UQCC1: variants seen among roughly 807,000 people sequenced by gnomAD.
The protein encoded by UQCC1 is ubiquinol-cytochrome c reductase complex assembly factor 1, also known as bFGF-repressed Zic-binding protein.
In UQCC1, 38 loss-of-function variants were observed where a neutral mutation model predicts 48.0. That is an observed-to-expected ratio of 0.79 (90% CI 0.61 to 1.04). UQCC1 has a LOEUF of 1.04. Among genes scored for constraint, UQCC1 ranks in the 50% least tolerant of loss-of-function variants. The pLI is 0.00. For synonymous variants in UQCC1, 111 were observed against 129.2 expected, an observed-to-expected ratio of 0.86 and a Z score of 0.95; for missense variants, 368 against 381.8, an observed-to-expected ratio of 0.96 and a Z score of 0.30.
In UQCC1 at chr20:35,346,539, C is replaced by T. The variant is rs541389723; in HGVS notation, c.573+625G>A. On this transcript the variant is annotated intron_variant, in intron 7 of 9. Transcript: ENST00000374385. ...AAGAACCCACCACAAGGAACCAACT[C>T]CGGACACACTATGATCTGTATAACC... is the stretch of plus-strand genomic sequence containing the variant. 1.9e-5 allele frequency: 3 copies of T among 159,170 alleles called. No individual in the cohort carries two copies. In the South Asian group the frequency reaches 5.5e-4, roughly 29 times the overall value. The allele number at this position is 159,170 out of a possible 1,614,324, so 9.9% of individuals were successfully genotyped here. A position where few individuals can be genotyped will look rare whatever the true frequency, so the allele number is the denominator to read the frequency against.
At chr20:35,410,479 C>A (rs1362869117) in intron 1 of UQCC1, among the ~76,000 whole-genome samples, 1 of 150,530 alleles carries the variant, frequency 6.6e-6, no homozygotes, top group East Asian at 2.0e-4. Context: ...TTGCAGTGAG[C>A]CGAGATCACA....
At chr20:35,314,582 T>G in intron 8 of UQCC1, 106 bp downstream of exon 8, 1 of 825,838 alleles carries the variant, frequency 1.2e-6, no homozygotes. Context: ...TACGCCATGG[T>G]GGTAGCCAGT....
chr20:35,333,672 CCT>C (rs956942557), intron 7 of UQCC1, among the ~76,000 whole-genome samples: 4 of 152,106 alleles, frequency 2.6e-5, no homozygotes, highest in East Asian at 1.9e-4. Flanking sequence ...CCTGCTGCCC[CCT>C]GACACCAAAC....
chr20:35,326,638 C>A (rs935482947), intron 7 of UQCC1, among the ~76,000 whole-genome samples: 1 of 152,164 alleles, frequency 6.6e-6, no homozygotes, highest in African/African-American at 2.4e-5. Flanking sequence ...ATTCTGACTG[C>A]AGCCATGAGG....
chr20:35,364,209 T>C (rs1042790796), intron 6 of UQCC1, among the ~76,000 whole-genome samples: 1 of 152,198 alleles, frequency 6.6e-6, no homozygotes, highest in African/African-American at 2.4e-5. Flanking sequence ...TAGTCACTCT[T>C]CGTGGTGCAT....
At chr20:35,350,766 C>A (rs2061481926) in intron 6 of UQCC1, among the ~76,000 whole-genome samples, 1 of 148,914 alleles carries the variant, frequency 6.7e-6, no homozygotes, top group Non-Finnish European at 1.5e-5. Flanking sequence ...GTAGGCCAGG[C>A]GCAGTGGCTC....
chr20:35,338,892 A>AAAATAT (rs1555805500), intron 7 of UQCC1, among the ~76,000 whole-genome samples: 4 of 30,560 alleles, frequency 1.3e-4, no homozygotes, highest in Non-Finnish European at 1.4e-4. Context: ...AAAAAAAAAA[A>AAAATAT]ATATATATAT....
At chr20:35,372,966 T>C (rs769230460) in intron 5 of UQCC1, among the ~76,000 whole-genome samples, 2 of 152,208 alleles carry the variant, frequency 1.3e-5, no homozygotes, top group Non-Finnish European at 2.9e-5. Context: ...TATACAAATA[T>C]TTGCTGCTAG....
intron 5 of UQCC1, among the ~76,000 whole-genome samples, chr20:35,367,691 T>G (rs1290018235): frequency 6.6e-6 from 1 of 151,382 alleles, no homozygotes; most frequent in Middle Eastern, 3.4e-3. Context: ...GCCAGGGAGG[T>G]AGAGGTTACA....
At chr20:35,308,575 A>G (rs915275645) in intron 8 of UQCC1, among the ~76,000 whole-genome samples, 1 of 152,260 alleles carries the variant, frequency 6.6e-6, no homozygotes, top group Non-Finnish European at 1.5e-5. Context: ...CTGAGCCATC[A>G]GAAGGAAAAG....
chr20:35,355,447 C>T (rs895073415), intron 6 of UQCC1, among the ~76,000 whole-genome samples: 2 of 152,132 alleles, frequency 1.3e-5, no homozygotes, highest in Non-Finnish European at 2.9e-5. Context: ...GTTTGTGAAT[C>T]GAATTTACTA....
chr20:35,409,866 C>A (rs755440081), intron 1 of UQCC1, among the ~76,000 whole-genome samples: 18 of 152,020 alleles, frequency 1.2e-4, no homozygotes, highest in Non-Finnish European at 2.2e-4. Context: ...ACTGCAGTGG[C>A]ACAATCTCAG....
chr20:35,308,954 G>C (rs8117705), intron 8 of UQCC1, among the ~76,000 whole-genome samples: 39,521 of 152,036 alleles, frequency 0.26, 5,567 homozygotes, highest in Middle Eastern at 0.36. Context: ...GACCTCAAGT[G>C]ATCTGCCTGC....
At chr20:35,400,528 C>T (rs1381312872) in intron 1 of UQCC1, among the ~76,000 whole-genome samples, 1 of 150,504 alleles carries the variant, frequency 6.6e-6, no homozygotes, top group Non-Finnish European at 1.5e-5. Flanking sequence ...CGGAGTCTCG[C>T]TCCGTTGCCC....
intron 6 of UQCC1, among the ~76,000 whole-genome samples, chr20:35,351,009 T>A (rs2061484646): frequency 6.6e-6 from 1 of 152,084 alleles, no homozygotes; most frequent in Non-Finnish European, 1.5e-5. Flanking sequence ...GCCACTGCAC[T>A]CCAGCCTGGT....
At chr20:35,348,580 T>C (rs1021170496) in intron 6 of UQCC1, among the ~76,000 whole-genome samples, 7 of 152,028 alleles carry the variant, frequency 4.6e-5, no homozygotes, top group East Asian at 3.9e-4. Context: ...TTAATAGATA[T>C]GGGGTTTCAC....
intron 4 of UQCC1, 40 bp from the exon 5 acceptor site, chr20:35,374,296 A>C: frequency 6.6e-7 from 1 of 1,507,316 alleles, no homozygotes; most frequent in Non-Finnish European, 9.2e-7. Context: ...GACATGACCA[A>C]GTGGATGTTC....
chr20:35,309,119 C>T, intron 8 of UQCC1: 2 of 455,926 alleles, frequency 4.4e-6, no homozygotes, highest in Middle Eastern at 6.5e-4. Flanking sequence ...GATGACTGAC[C>T]CACTCTAGTC....
chr20:35,390,137 G>A (rs868469310), intron 2 of UQCC1, among the ~76,000 whole-genome samples: 20 of 152,064 alleles, frequency 1.3e-4, no homozygotes, highest in African/African-American at 4.6e-4. Flanking sequence ...CAAAATCACA[G>A]AAACAAGGCC....
Sources: gnomAD v4.1 joint callset for allele counts (sites outside exome capture counted in the v4.1 genomes callset) on GRCh38, gnomAD v4.1.1 for gene constraint, MANE v1.5 for transcripts, NCBI Gene and HGNC (gene_info 2026-07-23, HGNC 2026-07-21) for gene names.